Variants in WASF3 observed in about 807,000 individuals in gnomAD.
WASF3 encodes WASP family member 3, also known as actin-binding protein WASF3.
WASF3 carries 11 observed loss-of-function variants against 46.6 expected under a neutral mutation model. That is an observed-to-expected ratio of 0.24 (90% confidence interval 0.15 to 0.39). The LOEUF is 0.39. WASF3 is among the 10% of genes least tolerant of loss of function. The pLI, the probability that WASF3 is intolerant of heterozygous loss-of-function variation, is 1.00. For missense variants in WASF3, 576 were observed against 669.8 expected, an observed-to-expected ratio of 0.86 and a Z score of 1.55; for synonymous variants, 242 against 259.7, an observed-to-expected ratio of 0.93 and a Z score of 0.65.
At chr13:26,556,589 T>C (rs1031762812), upstream of WASF3, among the ~76,000 whole-genome samples, 1 of 152,222 alleles carries the variant, frequency 6.6e-6, no homozygotes, top group African/African-American at 2.4e-5. Context: ...TTGGAAGTAA[T>C]GCAGGTTAAT....
chr13:26,621,884 G>A (rs1013807624), intron 2 of WASF3, among the ~76,000 whole-genome samples: 1 of 152,218 alleles, frequency 6.6e-6, no homozygotes. Flanking sequence ...GTGCTGTAAA[G>A]TGGAGGCAGG....
At chr13:26,598,403 T>C in intron 1 of WASF3, among the ~76,000 whole-genome samples, 1 of 152,196 alleles carries the variant, frequency 6.6e-6, no homozygotes, top group Admixed American at 6.5e-5. Context: ...TTTCTCCCAT[T>C]CTGTAGTGCC....
intron 3 of WASF3, among the ~76,000 whole-genome samples, chr13:26,654,566 GT>G (rs879667953): frequency 4.7e-4 from 72 of 152,298 alleles, no homozygotes; most frequent in African/African-American, 1.0e-3. Context: ...CTGATACACA[GT>G]CGATGCTTGA....
chr13:26,627,683 G>A (rs559632674), intron 2 of WASF3, among the ~76,000 whole-genome samples: 1 of 152,130 alleles, frequency 6.6e-6, no homozygotes, highest in African/African-American at 2.4e-5. Flanking sequence ...AGCTACCCAA[G>A]TTGCTATAAA....
At chr13:26,678,539 A>G (rs1051490506) in intron 7 of WASF3, among the ~76,000 whole-genome samples, 3 of 152,080 alleles carry the variant, frequency 2.0e-5, no homozygotes, top group Admixed American at 1.3e-4. Context: ...ATGATTTTTA[A>G]TGATTGTATC....
chr13:26,584,748 ATT>A (rs571370610), intron 1 of WASF3, among the ~76,000 whole-genome samples: 44 of 152,334 alleles, frequency 2.9e-4, no homozygotes, highest in African/African-American at 9.9e-4. Flanking sequence ...TTATTCAGAA[ATT>A]TTAGTTGCTC....
chr13:26,546,128 T>G, the WASF3 span, among the ~76,000 whole-genome samples: 23 of 152,194 alleles, frequency 1.5e-4, no homozygotes, highest in Non-Finnish European at 2.9e-4. Flanking sequence ...ATTTTAGTTT[T>G]GGGATCACAA....
intron 1 of WASF3, among the ~76,000 whole-genome samples, chr13:26,612,030 C>G (rs1036809685): frequency 2.0e-5 from 3 of 152,102 alleles, no homozygotes; most frequent in African/African-American, 7.2e-5. Flanking sequence ...AAGCTTGATG[C>G]CTCCCACCCT....
chr13:26,672,845 C>T lies in WASF3; in HGVS notation c.540+856C>T, dbSNP rs186912952. Among the ~76,000 whole-genome samples the T allele has an allele frequency of 3.2e-3, 492 of 152,132 alleles. 2 individuals carry two copies. Among genetic ancestry groups the T allele is most frequent in the Middle Eastern group, 0.01 (3 of 294 alleles). On this transcript the variant is annotated intron_variant, in intron 6 of 9. Coordinates refer to ENST00000335327, the MANE Select transcript of WASF3 (RefSeq NM_006646.6). ...TTGGTCTGGAGGAGAATTTGAAAAT[C>T]GAAAACAGCATTAAAGGGAAGAGAA...
chr13:26,592,071 T>C (rs1880319196), intron 1 of WASF3, among the ~76,000 whole-genome samples: 1 of 150,134 alleles, frequency 6.7e-6, no homozygotes. Context: ...GATTCTAGAT[T>C]ATTTTGGGCT....
chr13:26,606,693 A>T (rs1566048811), intron 1 of WASF3: 1 of 151,984 alleles, frequency 6.6e-6, no homozygotes, highest in African/African-American at 2.4e-5. Context: ...TTAGTTGGTG[A>T]TAAGAGTTTA....
intron 1 of WASF3, among the ~76,000 whole-genome samples, chr13:26,573,073 G>A (rs1879688013): frequency 6.6e-6 from 1 of 152,112 alleles, no homozygotes; most frequent in Non-Finnish European, 1.5e-5. Context: ...GTTTGTATAG[G>A]TTTGATAGAC....
chr13:26,579,721 CT>C (rs1199378899), intron 1 of WASF3, among the ~76,000 whole-genome samples: 4 of 152,088 alleles, frequency 2.6e-5, no homozygotes, highest in African/African-American at 9.7e-5. Context: ...TGTGTTTACC[CT>C]TTTTTTAAAA....
At chr13:26,617,980 G>C (rs1291765570) in intron 2 of WASF3, among the ~76,000 whole-genome samples, 1 of 152,092 alleles carries the variant, frequency 6.6e-6, no homozygotes, top group African/African-American at 2.4e-5. Flanking sequence ...CGCCATGTTG[G>C]TAAGTTTCCT....
intron 2 of WASF3, among the ~76,000 whole-genome samples, chr13:26,627,896 A>C (rs1296205027): frequency 1.3e-5 from 2 of 150,940 alleles, no homozygotes; most frequent in African/African-American, 2.4e-5. Context: ...TAATAAAGAA[A>C]AAAAAACCCT....
At chr13:26,661,658 T>C (rs186490419) in intron 3 of WASF3, among the ~76,000 whole-genome samples, 3 of 152,312 alleles carry the variant, frequency 2.0e-5, no homozygotes, top group Non-Finnish European at 2.9e-5. Context: ...GGGTCATATG[T>C]TTAATTTTGG....
chr13:26,647,421 G>T (rs1196404790), intron 3 of WASF3, among the ~76,000 whole-genome samples: 1 of 152,000 alleles, frequency 6.6e-6, no homozygotes, highest in Non-Finnish European at 1.5e-5. Flanking sequence ...AATAATGACA[G>T]TTTAGTGTTA....
chr13:26,547,724 T>C, the WASF3 span, among the ~76,000 whole-genome samples: 5 of 152,238 alleles, frequency 3.3e-5, no homozygotes, highest in African/African-American at 1.2e-4. Context: ...GTCTGTTTGC[T>C]TCTCTTGATC....
intron 2 of WASF3, among the ~76,000 whole-genome samples, chr13:26,635,265 C>G (rs188847356): frequency 6.6e-6 from 1 of 152,226 alleles, no homozygotes. Flanking sequence ...TCTTTTCTTT[C>G]ACTTGATTGA....
Sources: gnomAD v4.1 joint callset for allele counts (sites outside exome capture counted in the v4.1 genomes callset) on GRCh38, gnomAD v4.1.1 for gene constraint, MANE v1.5 for transcripts, NCBI Gene and HGNC (gene_info 2026-07-23, HGNC 2026-07-21) for gene names.